FARP1: variants seen among roughly 807,000 people sequenced by gnomAD.
FARP1 encodes FERM, ARH/RhoGEF and pleckstrin domain protein 1, also known as FERM, ARHGEF and pleckstrin domain-containing protein 1.
A neutral mutation model predicts 128.8 loss-of-function variants in FARP1; 52 were observed. That is an observed-to-expected ratio of 0.40 (90% CI 0.32 to 0.51). The LOEUF (loss-of-function observed/expected upper bound fraction) is 0.51. Ranked by LOEUF, FARP1 falls within the 20% of genes least tolerant of loss-of-function variation. The pLI, the probability that FARP1 is intolerant of heterozygous loss-of-function variation, is 0.45. For synonymous variants in FARP1, 580 were observed against 551.8 expected (o/e 1.05, Z -0.72); for missense variants, 1,333 against 1,367.9 (o/e 0.97, Z 0.40).
chr13:98,273,247 A>G (rs945825358), intron 2 of FARP1, among the ~76,000 whole-genome samples: 1 of 152,210 alleles, frequency 6.6e-6, no homozygotes, highest in African/African-American at 2.4e-5. Context: ...GCAGAAAGGA[A>G]TGTTTAAGAT....
Position 98,386,690 on chromosome 13 carries a change from G to A in FARP1, c.759+876G>A, listed in dbSNP as rs1055512594. On this transcript the variant is annotated intron_variant, in intron 8 of 26. Coordinates refer to ENST00000319562, the MANE Select transcript of FARP1 (RefSeq NM_005766.4). ...TCAAAGGGATATAGAGAAAGCACCC[G>A]CCTTTCTCATGAAATAGGATCAGAT... is the stretch of plus-strand genomic sequence containing the variant. 4.6e-5 allele frequency among the ~76,000 whole-genome samples: 7 copies of A among 152,200 alleles called. No homozygotes were observed. In the East Asian group the frequency reaches 9.7e-4, roughly 21 times the overall value.
chr13:98,308,024 A>T (rs930413017), intron 2 of FARP1, among the ~76,000 whole-genome samples: 2 of 20,748 alleles, frequency 9.6e-5, no homozygotes, highest in African/African-American at 2.7e-4. Context: ...GCCCGCCCCC[A>T]CTCTCTCTCT....
chr13:98,442,410 C>T (rs1419313073), intron 24 of FARP1, among the ~76,000 whole-genome samples: 2 of 152,228 alleles, frequency 1.3e-5, no homozygotes, highest in Non-Finnish European at 2.9e-5. Context: ...TTTCTAAGCC[C>T]AGGCCTGCTT....
At chr13:98,228,052 T>C (rs1260445474) in intron 2 of FARP1, among the ~76,000 whole-genome samples, 1 of 152,140 alleles carries the variant, frequency 6.6e-6, no homozygotes, top group Non-Finnish European at 1.5e-5. Context: ...CACTACTGAA[T>C]GTGCACTTAA....
Position 98,176,303 on chromosome 13 carries a change from G to T in FARP1, c.-24+32811G>T, listed in dbSNP as rs1566700678. 1.2e-6 allele frequency: 2 copies of T among 1,612,718 alleles called. No homozygotes were observed. The highest frequency in any genetic ancestry group is 1.7e-6 in the Non-Finnish European group (2 of 1,179,028). Reference sequence around the variant, plus strand: ...CCACCTTCTGCAGCCTGAAGCTTTTGCAGTTTCGCCATCAGTTCTTTGGCG... The same window carrying T: ...CCACCTTCTGCAGCCTGAAGCTTTTTCAGTTTCGCCATCAGTTCTTTGGCG... On this transcript the variant is annotated intron_variant, in intron 1 of 26. Coordinates refer to ENST00000319562, the MANE Select transcript of FARP1 (RefSeq NM_005766.4). The surrounding 1 kb of genome is among the most constrained non-coding windows in gnomAD (Gnocchi z 6.2).
At chr13:98,148,390 A>T (rs980098652) in intron 1 of FARP1, among the ~76,000 whole-genome samples, 1 of 152,190 alleles carries the variant, frequency 6.6e-6, no homozygotes, top group Non-Finnish European at 1.5e-5. Context: ...AGAAAACACA[A>T]GACAATAAAA....
At position 98,453,388 on chromosome 13, in the gene FARP1, T is replaced by G; in HGVS notation, c.*5071T>G. 3.2e-6 allele frequency: 2 copies of G among 629,126 alleles called. No individual in the cohort carries two copies. Among genetic ancestry groups the G allele is most frequent in the South Asian group, 4.4e-5 (2 of 45,308 alleles). 39.0% of individuals were successfully genotyped at this position (629,126 alleles called of 1,614,324 possible). A position where few individuals can be genotyped will look rare whatever the true frequency, so the allele number is the denominator to read the frequency against. On this transcript the variant is annotated 3_prime_UTR_variant, in exon 27 of 27. Coordinates refer to ENST00000319562, the MANE Select transcript of FARP1 (RefSeq NM_005766.4). ...AGAATGCATATAAAGACTGAGAAGA[T>G]CATGATTCTTACACAAAAACTCCAG...
intron 1 of FARP1, among the ~76,000 whole-genome samples, chr13:98,193,441 G>A (rs528653091): frequency 5.1e-4 from 78 of 152,278 alleles, no homozygotes; most frequent in Non-Finnish European, 7.1e-4. Context: ...GCGTGGGATC[G>A]TAGTCTACGA....
At chr13:98,373,415 C>G (rs1889434040) in intron 5 of FARP1, among the ~76,000 whole-genome samples, 1 of 152,062 alleles carries the variant, frequency 6.6e-6, no homozygotes, top group African/African-American at 2.4e-5. Context: ...GTGTTGGGCT[C>G]AAAAGACAGT....
At chr13:98,190,750 T>C (rs1879173603) in intron 1 of FARP1, among the ~76,000 whole-genome samples, 1 of 128,500 alleles carries the variant, frequency 7.8e-6, no homozygotes, top group Non-Finnish European at 1.8e-5. Context: ...TTTTTTTTTT[T>C]GGAGAGACAG....
intron 2 of FARP1, among the ~76,000 whole-genome samples, chr13:98,234,873 A>T (rs1882330289): frequency 6.6e-6 from 1 of 152,160 alleles, no homozygotes; most frequent in African/African-American, 2.4e-5. Context: ...AGACTCTGAA[A>T]CACTCCCAAC....
At chr13:98,228,392 A>C (rs1881916539) in intron 2 of FARP1, among the ~76,000 whole-genome samples, 1 of 152,104 alleles carries the variant, frequency 6.6e-6, no homozygotes, top group African/African-American at 2.4e-5. Flanking sequence ...AAAATGGCTA[A>C]AATGGTAAAC....
At chr13:98,161,308 TG>T (rs1451623813) in intron 1 of FARP1, among the ~76,000 whole-genome samples, 2 of 150,668 alleles carry the variant, frequency 1.3e-5, no homozygotes, top group Non-Finnish European at 3.0e-5. Context: ...CTCCATCTCC[TG>T]GGTTCAAGCG....
chr13:98,265,209 T>C (rs1344900667), intron 2 of FARP1, among the ~76,000 whole-genome samples: 2 of 152,104 alleles, frequency 1.3e-5, no homozygotes, highest in Non-Finnish European at 2.9e-5. Context: ...TCCCTGGGTA[T>C]GGCCAGGTGT....
chr13:98,292,439 A>G (rs1042749950), intron 2 of FARP1, among the ~76,000 whole-genome samples: 1 of 152,238 alleles, frequency 6.6e-6, no homozygotes. Context: ...AAAACACTTT[A>G]GGCTAAATAA....
intron 2 of FARP1, among the ~76,000 whole-genome samples, chr13:98,287,889 A>C (rs1227844865): frequency 7.0e-6 from 1 of 143,220 alleles, no homozygotes; most frequent in African/African-American, 2.6e-5. Flanking sequence ...GCAACCTCTG[A>C]CTCCCTGGTT....
At chr13:98,358,207 C>A (rs1467223414) in intron 3 of FARP1, among the ~76,000 whole-genome samples, 4 of 152,036 alleles carry the variant, frequency 2.6e-5, no homozygotes, top group Non-Finnish European at 5.9e-5. Context: ...CTTTGGCCCC[C>A]CTGAACTCTC....
intron 5 of FARP1, among the ~76,000 whole-genome samples, chr13:98,374,470 G>A (rs1889491602): frequency 6.6e-6 from 1 of 152,086 alleles, no homozygotes. Flanking sequence ...ATCCACTCTA[G>A]GACCACATAT....
chr13:98,440,144 G>A lies in FARP1; in HGVS notation c.2538G>A (p.Lys846=). The A allele has an allele frequency of 8.7e-6, 14 of 1,614,104 alleles. No individual in the cohort carries two copies. Among genetic ancestry groups the A allele is most frequent in the Non-Finnish European group, 1.2e-5 (14 of 1,179,958 alleles). The change falls in exon 23 of 27, where the codon AAG becomes AAA. Residue 846 remains lysine, a synonymous_variant. Transcript: ENST00000319562. ...CCAGTTCTCGGTCCGAGATGGAGAA[G>A]TGGGTTGAGGACATCCAGATGGCCA... ...VAASSRSEME[K]WVEDIQMAID...
Sources: gnomAD v4.1 joint callset for allele counts (sites outside exome capture counted in the v4.1 genomes callset) on GRCh38, gnomAD v4.1.1 for gene constraint, Gnocchi (gnomAD v3.1) non-coding constraint, MANE v1.5 for transcripts, NCBI Gene and HGNC (gene_info 2026-07-23, HGNC 2026-07-21) for gene names.